The following PRKG1 variants were observed in gnomAD, a reference collection of about 807,000 sequenced individuals.
The protein encoded by PRKG1 is protein kinase cGMP-dependent 1.
PRKG1 carries 35 observed loss-of-function variants against 88.1 expected under a neutral mutation model. That is an observed-to-expected ratio of 0.40 (90% CI 0.30 to 0.53). The LOEUF is 0.53. PRKG1 is among the 20% of genes least tolerant of loss of function. PRKG1 has a pLI of 0.59. For synonymous variants in PRKG1, 303 were observed against 292.5 expected, an observed-to-expected ratio of 1.04 and a Z score of -0.37; for missense variants, 540 against 839.8, an observed-to-expected ratio of 0.64 and a Z score of 4.41.
At chr10:51,203,736 G>C (rs1837972239) in intron 2 of PRKG1, among the ~76,000 whole-genome samples, 1 of 152,206 alleles carries the variant, frequency 6.6e-6, no homozygotes, top group Non-Finnish European at 1.5e-5. Flanking sequence ...TCTTCAAAGA[G>C]TTGTTCTGAG....
intron 7 of PRKG1, among the ~76,000 whole-genome samples, chr10:52,109,649 C>T (rs1187316531): frequency 6.6e-6 from 1 of 152,052 alleles, no homozygotes; most frequent in Non-Finnish European, 1.5e-5. Context: ...TGCCTGTAAT[C>T]CCAGCTACTC....
At chr10:51,896,092 CT>C (rs1463688403) in intron 4 of PRKG1, among the ~76,000 whole-genome samples, 1 of 152,190 alleles carries the variant, frequency 6.6e-6, no homozygotes, top group East Asian at 1.9e-4. Context: ...GATTTAATAT[CT>C]TCCTGAAAAA....
chr10:51,692,288 G>A (rs1037188504), intron 3 of PRKG1, among the ~76,000 whole-genome samples: 9 of 151,650 alleles, frequency 5.9e-5, no homozygotes, highest in Admixed American at 2.0e-4. Context: ...TGTCACCCAG[G>A]CTGGAGTGCA....
chr10:51,572,772 C>T (rs926699494), intron 3 of PRKG1, among the ~76,000 whole-genome samples: 2 of 148,788 alleles, frequency 1.3e-5, no homozygotes, highest in Non-Finnish European at 2.9e-5. Context: ...TTGAGAACCA[C>T]TGGACTGGCT....
At chr10:52,062,489 C>A in intron 6 of PRKG1, 48 bp from the exon 7 acceptor site, 2 of 1,199,472 alleles carry the variant, frequency 1.7e-6, no homozygotes, top group Non-Finnish European at 1.2e-6. Flanking sequence ...TTCCTTTGTC[C>A]ATTGTGGGTA....
chr10:52,274,514 C>G (rs1050554506), intron 12 of PRKG1, among the ~76,000 whole-genome samples: 1 of 138,624 alleles, frequency 7.2e-6, no homozygotes, highest in Admixed American at 7.6e-5. Context: ...TATATACATG[C>G]CATCATATAT....
chr10:51,953,782 T>A (rs1843240470), intron 5 of PRKG1, among the ~76,000 whole-genome samples: 1 of 152,084 alleles, frequency 6.6e-6, no homozygotes, highest in Admixed American at 6.5e-5. Context: ...TACTTCTCAG[T>A]TGTTTGGCCA....
At chr10:51,999,416 G>GC (rs1844537491) in intron 5 of PRKG1, among the ~76,000 whole-genome samples, 1 of 152,182 alleles carries the variant, frequency 6.6e-6, no homozygotes, top group Admixed American at 6.5e-5. Context: ...AAGGAAACTT[G>GC]CCAGCTTCGT....
At chr10:52,264,095 C>T (rs536335796) in intron 10 of PRKG1, among the ~76,000 whole-genome samples, 1 of 151,346 alleles carries the variant, frequency 6.6e-6, no homozygotes, top group African/African-American at 2.4e-5. Flanking sequence ...TGTTATTATA[C>T]TCCACTGCTG....
intron 17 of PRKG1, among the ~76,000 whole-genome samples, chr10:52,291,306 C>A (rs1327092766): frequency 2.7e-5 from 4 of 150,796 alleles, no homozygotes; most frequent in African/African-American, 9.7e-5. Flanking sequence ...GCACAATGTG[C>A]AGGTTAGTTA....
At chr10:52,138,399 C>T (rs1254859473) in intron 8 of PRKG1, among the ~76,000 whole-genome samples, 2 of 152,044 alleles carry the variant, frequency 1.3e-5, no homozygotes, top group Admixed American at 1.3e-4. Context: ...TTTTGCTTTA[C>T]CAGGCCCATT....
At chr10:51,558,952 G>T (rs1438516057) in intron 3 of PRKG1, among the ~76,000 whole-genome samples, 1 of 152,200 alleles carries the variant, frequency 6.6e-6, no homozygotes, top group East Asian at 1.9e-4. Context: ...CCATGTCATT[G>T]TGTTGTATCA....
At chr10:51,651,202 T>C (rs1840030278) in intron 3 of PRKG1, among the ~76,000 whole-genome samples, 1 of 152,142 alleles carries the variant, frequency 6.6e-6, no homozygotes, top group South Asian at 2.1e-4. Context: ...ACCTAAGGAA[T>C]TTCATAACCT....
At chr10:51,095,966 A>G (rs928027007) in intron 1 of PRKG1, among the ~76,000 whole-genome samples, 1 of 152,144 alleles carries the variant, frequency 6.6e-6, no homozygotes, top group Non-Finnish European at 1.5e-5. Flanking sequence ...CAGAGATAGA[A>G]ATGTAACATT....
intron 1 of PRKG1, among the ~76,000 whole-genome samples, chr10:51,097,093 T>C (rs1844548399): frequency 6.6e-6 from 1 of 152,198 alleles, no homozygotes; most frequent in South Asian, 2.1e-4. Flanking sequence ...TGTTCCCTGG[T>C]ATCTTTTCTG....
chr10:51,060,870 A>G (rs1469093323), intron 1 of PRKG1, among the ~76,000 whole-genome samples: 5 of 152,302 alleles, frequency 3.3e-5, no homozygotes, highest in South Asian at 4.1e-4. Flanking sequence ...TTTGTCAAGT[A>G]TAGAATTCTT....
At chr10:52,087,864 T>C (rs1037543079) in intron 7 of PRKG1, among the ~76,000 whole-genome samples, 1 of 152,198 alleles carries the variant, frequency 6.6e-6, no homozygotes, top group Non-Finnish European at 1.5e-5. Flanking sequence ...AAACTTATTT[T>C]TTCCTCAATA....
At chr10:52,202,364 C>T (rs7087753) in intron 9 of PRKG1, among the ~76,000 whole-genome samples, 119,694 of 152,108 alleles carry the variant, frequency 0.79, 48,530 homozygotes, top group Non-Finnish European at 0.89. Context: ...TTTGTATATA[C>T]TGAACTATCC....
chr10:52,204,106 A>ATTATTT (rs1554817008), intron 9 of PRKG1, among the ~76,000 whole-genome samples: 1 of 72,202 alleles, frequency 1.4e-5, no homozygotes, highest in African/African-American at 6.1e-5. Flanking sequence ...TATTATTATT[A>ATTATTT]TTTTTTGTTT....
Sources: allele counts gnomAD v4.1 joint callset (sites outside exome capture counted in the v4.1 genomes callset), GRCh38; gene constraint gnomAD v4.1.1; transcripts MANE v1.5; gene names NCBI Gene and HGNC (gene_info 2026-07-23, HGNC 2026-07-21).